Variants in PRKCB observed in about 807,000 individuals in gnomAD.
PRKCB encodes the protein protein kinase C beta type.
PRKCB carries 13 observed loss-of-function variants against 81.5 expected under a neutral mutation model. The ratio of observed to expected loss-of-function variants is 0.16; its 90% CI spans 0.10 to 0.25. The LOEUF is 0.25. Among genes scored for constraint, PRKCB ranks in the 10% least tolerant of loss-of-function variants. The pLI is 1.00. For synonymous variants in PRKCB, 335 were observed against 321.4 expected (o/e 1.04, Z -0.45); for missense variants, 509 against 875.7 (o/e 0.58, Z 5.29).
intron 7 of PRKCB, among the ~76,000 whole-genome samples, chr16:24,101,057 A>G (rs1212176812): frequency 6.6e-5 from 10 of 152,286 alleles, no homozygotes; most frequent in African/African-American, 2.4e-4. Context: ...TTCAAACACC[A>G]ATTTTAGGTC....
chr16:23,967,526 G>C (rs1401560696), intron 2 of PRKCB, among the ~76,000 whole-genome samples: 1 of 152,220 alleles, frequency 6.6e-6, no homozygotes, highest in Admixed American at 6.5e-5. Context: ...GAGAAAAGAA[G>C]TTTAGGTTGC....
intron 15 of PRKCB, among the ~76,000 whole-genome samples, chr16:24,188,368 G>A (rs1194794836): frequency 6.6e-6 from 1 of 152,222 alleles, no homozygotes; most frequent in East Asian, 1.9e-4. Context: ...GATTGGAACA[G>A]TGATTAAATC....
chr16:23,856,526 A>G (rs1962570684), intron 2 of PRKCB, among the ~76,000 whole-genome samples: 1 of 38,574 alleles, frequency 2.6e-5, no homozygotes, highest in Non-Finnish European at 4.7e-5. Flanking sequence ...TGTTTCACGA[A>G]ACTTTTTTTT....
At position 23,945,134 on chromosome 16, in the gene PRKCB, C is replaced by T. The variant is rs549962004; in HGVS notation, c.206-43374C>T. Among the ~76,000 whole-genome samples, 7 of 152,202 alleles carry T rather than the reference C, an allele frequency of 4.6e-5. No homozygotes were observed. In the East Asian group the frequency reaches 9.7e-4, roughly 21 times the overall value. On this transcript the variant is annotated intron_variant, in intron 2 of 16. Transcript: ENST00000643927. ...CAGGACAGAGAAAGGGCTAGGGGAA[C>T]GGGACAGTGGTTCTTTCATTTCAAT... is the stretch of plus-strand genomic sequence containing the variant.
chr16:24,170,136 C>G (rs1881325359), intron 10 of PRKCB, among the ~76,000 whole-genome samples: 2 of 152,160 alleles, frequency 1.3e-5, no homozygotes, highest in South Asian at 4.2e-4. Flanking sequence ...ATTGCCTTTT[C>G]TGTGTCTACT....
At chr16:23,934,036 TCCATC>T (rs1964023010) in intron 2 of PRKCB, among the ~76,000 whole-genome samples, 1 of 151,616 alleles carries the variant, frequency 6.6e-6, no homozygotes, top group Non-Finnish European at 1.5e-5. Context: ...CATCCATCCA[TCCATC>T]CATCCATCCA....
In PRKCB at chr16:23,983,316, C is replaced by G. The variant is rs537490693; in HGVS notation, c.206-5192C>G. On this transcript the variant is annotated intron_variant, in intron 2 of 16. Transcript: ENST00000643927. ...CACTGTGTAAAGGAATTACCTGCAC[C>G]AGAAGCTCATGAGGTTTTTCAAAGT... Among the ~76,000 whole-genome samples, 296 of 152,260 alleles carry G rather than the reference C, an allele frequency of 1.9e-3. 1 individual carries two copies. The highest frequency in any genetic ancestry group is 6.8e-3 in the African/African-American group (282 of 41,548).
rs182745234 is a variant in PRKCB at position 23,891,959 on chromosome 16, A to G, written c.205+54553A>G. Among the ~76,000 whole-genome samples, 27 of 152,284 alleles carry G rather than the reference A, an allele frequency of 1.8e-4. 1 individual carries two copies. Among genetic ancestry groups the G allele is most frequent in the Non-Finnish European group, 2.8e-4 (19 of 68,022 alleles). On this transcript the variant is annotated intron_variant, in intron 2 of 16. Coordinates refer to ENST00000643927, the MANE Select transcript of PRKCB (RefSeq NM_002738.7). ...TTCTTGTGCAGTTAGAATCCCTTCT[A>G]GTGTAATGTGTGAAAAACCATAGGC... is the stretch of plus-strand genomic sequence containing the variant.
chr16:24,092,728 T>A, intron 5 of PRKCB, 63 bp from the exon 6 acceptor site: 1 of 1,481,140 alleles, frequency 6.8e-7, no homozygotes, highest in Non-Finnish European at 9.2e-7. Flanking sequence ...TCTGCAGCTG[T>A]CACTGCTTGG....
chr16:24,028,823 C>G (rs1431828559), intron 3 of PRKCB, among the ~76,000 whole-genome samples: 1 of 151,402 alleles, frequency 6.6e-6, no homozygotes, highest in Admixed American at 6.6e-5. Flanking sequence ...TTTTCCCCTT[C>G]TCTGTCACCC....
At chr16:24,077,491 ATCC>A (rs1263918334) in intron 5 of PRKCB, among the ~76,000 whole-genome samples, 16 of 110,834 alleles carry the variant, frequency 1.4e-4, no homozygotes, top group African/African-American at 4.1e-4. Flanking sequence ...TCATCTCTCC[ATCC>A]ATCCATCCAT....
chr16:23,962,055 T>A (rs1168666772), intron 2 of PRKCB, among the ~76,000 whole-genome samples: 1 of 152,152 alleles, frequency 6.6e-6, no homozygotes, highest in Non-Finnish European at 1.5e-5. Flanking sequence ...ACTCCGCATC[T>A]CTGGGTTCAT....
chr16:23,987,321 G>A (rs1964815001), intron 2 of PRKCB, among the ~76,000 whole-genome samples: 1 of 146,338 alleles, frequency 6.8e-6, no homozygotes, highest in African/African-American at 2.5e-5. Flanking sequence ...CCCACTTGCA[G>A]TCCTCTCTTG....
At chr16:23,916,752 T>A (rs1344373369) in intron 2 of PRKCB, among the ~76,000 whole-genome samples, 1 of 152,208 alleles carries the variant, frequency 6.6e-6, no homozygotes, top group African/African-American at 2.4e-5. Context: ...TGTCAGTGCA[T>A]ATAGAACATC....
At chr16:24,049,611 C>A (rs1254635871) in intron 5 of PRKCB, among the ~76,000 whole-genome samples, 1 of 152,248 alleles carries the variant, frequency 6.6e-6, no homozygotes, top group East Asian at 1.9e-4. Context: ...GCACCCTTAA[C>A]TACTACCCTG....
At chr16:24,004,442 G>T (rs934224830) in intron 3 of PRKCB, among the ~76,000 whole-genome samples, 1 of 133,442 alleles carries the variant, frequency 7.5e-6, no homozygotes. Context: ...AGGAGTTTGA[G>T]ACCAGCCTGG....
intron 16 of PRKCB, among the ~76,000 whole-genome samples, chr16:24,198,096 G>A (rs185372753): frequency 2.3e-4 from 35 of 152,318 alleles, no homozygotes; most frequent in African/African-American, 7.7e-4. Flanking sequence ...TTGTGTCTGG[G>A]TGATCCAGCT....
chr16:24,025,620 C>T (rs1286768970), intron 3 of PRKCB, among the ~76,000 whole-genome samples: 1 of 152,096 alleles, frequency 6.6e-6, no homozygotes, highest in Non-Finnish European at 1.5e-5. Context: ...GTTTAAGTGC[C>T]GTGATGGAGA....
At chr16:24,120,279 T>C (rs1482265610) in intron 8 of PRKCB, among the ~76,000 whole-genome samples, 1 of 152,168 alleles carries the variant, frequency 6.6e-6, no homozygotes, top group Non-Finnish European at 1.5e-5. Flanking sequence ...TACATGGGTG[T>C]GCACATTTGT....
Sources: gnomAD v4.1 joint callset for allele counts (sites outside exome capture counted in the v4.1 genomes callset) on GRCh38, gnomAD v4.1.1 for gene constraint, MANE v1.5 for transcripts, NCBI Gene and HGNC (gene_info 2026-07-23, HGNC 2026-07-21) for gene names.